EXOC2: variants seen among roughly 807,000 people sequenced by gnomAD.
EXOC2 encodes the protein exocyst complex component 2, also known as SEC5-like 1.
In EXOC2, 70 loss-of-function variants were observed where a neutral mutation model predicts 131.8. The observed-to-expected ratio is 0.53, with a 90% CI of 0.44 to 0.65. The LOEUF (loss-of-function observed/expected upper bound fraction) is 0.65. EXOC2 is among the 30% of genes least tolerant of loss of function. EXOC2 has a pLI of 0.00. For missense variants in EXOC2, 923 were observed against 1,108.6 expected (o/e 0.83, Z 2.38); for synonymous variants, 411 against 398.4 (o/e 1.03, Z -0.38).
intron 22 of EXOC2, among the ~76,000 whole-genome samples, chr6:544,238 T>C (rs1162119606): frequency 6.6e-6 from 1 of 152,204 alleles, no homozygotes; most frequent in Non-Finnish European, 1.5e-5. Flanking sequence ...TGAAATCTTA[T>C]GTTCTTTCTT....
intron 11 of EXOC2, among the ~76,000 whole-genome samples, chr6:582,882 T>C (rs1581489859): frequency 1.3e-5 from 2 of 152,250 alleles, no homozygotes; most frequent in African/African-American, 2.4e-5. Context: ...CACTCAGGAC[T>C]GTCCTTCACA....
At chr6:658,147 C>T (rs1763226052) in intron 1 of EXOC2, among the ~76,000 whole-genome samples, 1 of 152,082 alleles carries the variant, frequency 6.6e-6, no homozygotes, top group South Asian at 2.1e-4. Flanking sequence ...ATTCACTAAA[C>T]AATCCACTTC....
intron 1 of EXOC2, among the ~76,000 whole-genome samples, chr6:690,595 T>C (rs4415191): frequency 0.97 from 148,078 of 152,078 alleles, 72,124 homozygotes; most frequent in East Asian, 1. Context: ...CCCAGCTACT[T>C]GGGAGGCTGA....
At chr6:563,941 T>C in intron 16 of EXOC2, 92 bp downstream of exon 16, 1 of 1,502,886 alleles carries the variant, frequency 6.7e-7, no homozygotes, top group Non-Finnish European at 8.9e-7. Context: ...AAGAGTAATT[T>C]TCCCTTGTTT....
At chr6:540,645 A>G (rs1766758904) in intron 22 of EXOC2, among the ~76,000 whole-genome samples, 1 of 152,196 alleles carries the variant, frequency 6.6e-6, no homozygotes, top group South Asian at 2.1e-4. Flanking sequence ...GGAGAATAAA[A>G]AAGAAAAAAA....
intron 10 of EXOC2, among the ~76,000 whole-genome samples, chr6:596,548 GC>G (rs1759831925): frequency 6.6e-6 from 1 of 151,958 alleles, no homozygotes. Context: ...TTGATTTTTT[GC>G]AGAGACCAGG....
rs573457210 is a variant in EXOC2 at position 509,009 on chromosome 6, G to A, written c.2381-9309C>T. The stretch of plus-strand genomic sequence containing the variant: ...TGGTATCTTACTGTTGTTTTAATTT[G>A]CAATTCCCTAATGACACACAATGTG... On this transcript the variant is annotated intron_variant, in intron 23 of 27. Coordinates refer to ENST00000230449, the MANE Select transcript of EXOC2 (RefSeq NM_018303.6). Among the ~76,000 whole-genome samples, 3 of 152,312 alleles carry A rather than the reference G, an allele frequency of 2.0e-5. No homozygotes were observed. In the East Asian group the frequency reaches 5.8e-4, roughly 29 times the overall value.
At chr6:686,712 A>G (rs1468209253) in intron 1 of EXOC2, among the ~76,000 whole-genome samples, 3 of 152,250 alleles carry the variant, frequency 2.0e-5, no homozygotes, top group Non-Finnish European at 4.4e-5. Context: ...CCCAGGAACC[A>G]TAAAGCCCTC....
At chr6:635,994 C>T (rs776854283) in intron 2 of EXOC2, among the ~76,000 whole-genome samples, 5 of 152,184 alleles carry the variant, frequency 3.3e-5, no homozygotes, top group South Asian at 2.1e-4. Context: ...ACCCAGGAGG[C>T]GGAGGTTGCA....
chr6:622,892 G>C (rs1331949710), intron 4 of EXOC2, among the ~76,000 whole-genome samples: 1 of 152,166 alleles, frequency 6.6e-6, no homozygotes, highest in East Asian at 1.9e-4. Context: ...TTACTAAATT[G>C]TTATTTTTAC....
At chr6:681,596 T>C (rs566373754) in intron 1 of EXOC2, among the ~76,000 whole-genome samples, 149 of 152,298 alleles carry the variant, frequency 9.8e-4, no homozygotes, top group Non-Finnish European at 1.9e-3. Flanking sequence ...TTTAGTCCTA[T>C]AAAAACTAGG....
In EXOC2 at chr6:589,422, C is replaced by T. The variant is rs557280517; in HGVS notation, c.1192+3047G>A. Among the ~76,000 whole-genome samples, 53 of 151,736 alleles carry T rather than the reference C, an allele frequency of 3.5e-4. No homozygotes were observed. In the South Asian group the frequency reaches 5.8e-3, roughly 17 times the overall value. On this transcript the variant is annotated intron_variant, in intron 11 of 27. Coordinates refer to ENST00000230449, the MANE Select transcript of EXOC2 (RefSeq NM_018303.6). ...TCTGGAACGCGTCTCAATGCCGATC[C>T]GGAGAACTGACTGTCGTTGTTTAGG...
intron 25 of EXOC2, among the ~76,000 whole-genome samples, chr6:495,977 T>A (rs1033703831): frequency 6.6e-6 from 1 of 152,236 alleles, no homozygotes; most frequent in African/African-American, 2.4e-5. Flanking sequence ...TTTTAAAAAA[T>A]CTATTATTAT....
chr6:660,427 C>G (rs1014569332), intron 1 of EXOC2, among the ~76,000 whole-genome samples: 1 of 152,196 alleles, frequency 6.6e-6, no homozygotes, highest in African/African-American at 2.4e-5. Context: ...GGAACAGGCG[C>G]TGATATTCAC....
intron 1 of EXOC2, among the ~76,000 whole-genome samples, chr6:673,252 C>CAAAAAAAAAAAAAAAAAAAAAA (rs56189394): frequency 1.2e-4 from 8 of 64,262 alleles, no homozygotes; most frequent in African/African-American, 2.8e-4. Context: ...ACTCCATAGC[C>CAAAAAAAAAAAAAAAAAAAAAA]AAAAAAAAAA....
In EXOC2 at chr6:616,369, C is replaced by T. The variant is rs957191719; in HGVS notation, c.661+1342G>A. On this transcript the variant is annotated intron_variant, in intron 6 of 27. Transcript: ENST00000230449. ...CTGTAATCCCAGCACTTTGGGAGGC[C>T]GAGGCGGGCGGATCACGAGGTCAGG... Among the ~76,000 whole-genome samples the T allele has an allele frequency of 4.9e-4, 75 of 151,898 alleles. 1 individual carries two copies. Among genetic ancestry groups the T allele is most frequent in the Middle Eastern group, 3.4e-3 (1 of 294 alleles).
intron 3 of EXOC2, among the ~76,000 whole-genome samples, chr6:632,146 CAAGA>C (rs1761888404): frequency 6.6e-6 from 1 of 152,150 alleles, no homozygotes; most frequent in Non-Finnish European, 1.5e-5. Context: ...GAAATAGCTA[CAAGA>C]AAGATCATCA....
intron 1 of EXOC2, among the ~76,000 whole-genome samples, chr6:675,190 A>G (rs972615986): frequency 6.6e-6 from 1 of 152,136 alleles, no homozygotes; most frequent in Non-Finnish European, 1.5e-5. Flanking sequence ...AATAAAACCT[A>G]CATTTTAAAA....
At chr6:668,272 T>C (rs1482159218) in intron 1 of EXOC2, among the ~76,000 whole-genome samples, 1 of 152,186 alleles carries the variant, frequency 6.6e-6, no homozygotes, top group Non-Finnish European at 1.5e-5. Flanking sequence ...ATGCTGTGCC[T>C]CCATCATGTC....
Sources: gnomAD v4.1 joint callset for allele counts (sites outside exome capture counted in the v4.1 genomes callset) on GRCh38, gnomAD v4.1.1 for gene constraint, MANE v1.5 for transcripts, NCBI Gene and HGNC (gene_info 2026-07-23, HGNC 2026-07-21) for gene names.